Variants in MSRA observed in about 807,000 individuals in gnomAD.
MSRA encodes the protein mitochondrial peptide methionine sulfoxide reductase.
A neutral mutation model predicts 31.3 loss-of-function variants in MSRA; 54 were observed. That is an observed-to-expected ratio of 1.73 (90% confidence interval 1.39 to 2.17). MSRA has a LOEUF of 2.17. Among genes scored for constraint, MSRA ranks in the 30% most tolerant of loss-of-function variants. MSRA has a pLI of 0.00. For synonymous variants in MSRA, 169 were observed against 116.5 expected (o/e 1.45, Z -2.90); for missense variants, 507 against 300.9 (o/e 1.69, Z -5.07).
intron 5 of MSRA, among the ~76,000 whole-genome samples, chr8:10,344,894 T>G (rs1020330639): frequency 6.6e-6 from 1 of 152,188 alleles, no homozygotes; most frequent in South Asian, 2.1e-4. Flanking sequence ...ATCATGGTGG[T>G]TTAAGACAAA....
chr8:10,417,972 G>C lies in MSRA; in HGVS notation c.544-10176G>C, dbSNP rs975070116. On this transcript the variant is annotated intron_variant, in intron 5 of 5. Coordinates refer to ENST00000317173, the MANE Select transcript of MSRA (RefSeq NM_012331.5). The stretch of plus-strand genomic sequence containing the variant: ...ATCCACATGCCCGCGTCCTGCCTGC[G>C]AGTTTTCCCCTAAAGCAGCTGTGCT... Among the ~76,000 whole-genome samples the C allele has an allele frequency of 8.5e-5, 13 of 152,164 alleles. No individual in the cohort carries two copies. In the East Asian group the frequency reaches 2.5e-3, roughly 29 times the overall value.
intron 5 of MSRA, among the ~76,000 whole-genome samples, chr8:10,346,418 G>A (rs1245384395): frequency 6.6e-6 from 1 of 152,136 alleles, no homozygotes; most frequent in African/African-American, 2.4e-5. Context: ...TCTAGGGACT[G>A]TGCATCCCAT....
At chr8:10,076,011 G>A (rs763517414) in intron 1 of MSRA, among the ~76,000 whole-genome samples, 5 of 152,222 alleles carry the variant, frequency 3.3e-5, no homozygotes, top group African/African-American at 4.8e-5. Flanking sequence ...GTGTTCTCTA[G>A]TGAAGGGCAT....
At chr8:10,246,066 G>C (rs1797607504) in intron 3 of MSRA, among the ~76,000 whole-genome samples, 1 of 151,338 alleles carries the variant, frequency 6.6e-6, no homozygotes, top group African/African-American at 2.5e-5. Flanking sequence ...CTATTGACTT[G>C]ACTTATAGGC....
chr8:10,146,046 A>T (rs918046690), intron 1 of MSRA, among the ~76,000 whole-genome samples: 1 of 152,234 alleles, frequency 6.6e-6, no homozygotes, highest in Non-Finnish European at 1.5e-5. Context: ...TACCTACTAC[A>T]TGCAAACAGT....
At chr8:10,089,578 T>C (rs1402991414) in intron 1 of MSRA, among the ~76,000 whole-genome samples, 1 of 152,184 alleles carries the variant, frequency 6.6e-6, no homozygotes, top group East Asian at 1.9e-4. Flanking sequence ...GTGTTTGTCT[T>C]AGGTCATTTT....
At chr8:10,423,920 T>C (rs1808967404) in intron 5 of MSRA, among the ~76,000 whole-genome samples, 1 of 152,188 alleles carries the variant, frequency 6.6e-6, no homozygotes, top group Non-Finnish European at 1.5e-5. Flanking sequence ...CATTCATTCA[T>C]TCATTCATTC....
At chr8:10,152,190 A>C (rs1803739409) in intron 1 of MSRA, among the ~76,000 whole-genome samples, 1 of 152,250 alleles carries the variant, frequency 6.6e-6, no homozygotes, top group Non-Finnish European at 1.5e-5. Flanking sequence ...TGAAAAGTAT[A>C]GACAGAGAAC....
chr8:10,192,740 C>T (rs971244942), intron 1 of MSRA, among the ~76,000 whole-genome samples: 1 of 152,164 alleles, frequency 6.6e-6, no homozygotes, highest in Non-Finnish European at 1.5e-5. Flanking sequence ...AATTAGAATG[C>T]TTTTCTCACT....
At chr8:10,418,838 A>AC (rs1808637938) in intron 5 of MSRA, among the ~76,000 whole-genome samples, 9 of 69,470 alleles carry the variant, frequency 1.3e-4, no homozygotes, top group African/African-American at 4.0e-4. Context: ...AAAAAAAAAA[A>AC]CCAACAAAAA....
chr8:10,304,631 C>G (rs746783165), intron 4 of MSRA, among the ~76,000 whole-genome samples: 4 of 152,156 alleles, frequency 2.6e-5, no homozygotes, highest in Non-Finnish European at 5.9e-5. Flanking sequence ...GAGAGCCAGG[C>G]TACAAATGAA....
intron 5 of MSRA, among the ~76,000 whole-genome samples, chr8:10,402,504 C>A (rs568695270): frequency 3.7e-4 from 57 of 152,344 alleles, no homozygotes; most frequent in African/African-American, 1.3e-3. Flanking sequence ...ATGATCATTC[C>A]AATGACGCAA....
At chr8:10,206,755 A>G (rs1401157058) in intron 1 of MSRA, among the ~76,000 whole-genome samples, 1 of 152,158 alleles carries the variant, frequency 6.6e-6, no homozygotes, top group Non-Finnish European at 1.5e-5. Flanking sequence ...TCCTGCTACA[A>G]TTACCTGCAC....
intron 1 of MSRA, among the ~76,000 whole-genome samples, chr8:10,170,937 T>C (rs533810339): frequency 6.6e-6 from 1 of 152,366 alleles, no homozygotes; most frequent in South Asian, 2.1e-4. Context: ...CTTATTGTGC[T>C]AGCTAGGCTC....
chr8:10,331,864 T>C (rs1003938225), intron 5 of MSRA, among the ~76,000 whole-genome samples: 1 of 152,210 alleles, frequency 6.6e-6, no homozygotes, highest in Non-Finnish European at 1.5e-5. Flanking sequence ...TCTTAAAATT[T>C]GTATTGTTGT....
intron 3 of MSRA, among the ~76,000 whole-genome samples, chr8:10,266,735 A>G (rs1305386736): frequency 6.6e-6 from 1 of 152,052 alleles, no homozygotes; most frequent in African/African-American, 2.4e-5. Flanking sequence ...ATCCATTTTG[A>G]TTAATTTTTA....
intron 5 of MSRA, chr8:10,337,438 C>T: frequency 5.5e-6 from 2 of 366,554 alleles, no homozygotes; most frequent in Non-Finnish European, 4.9e-6. Flanking sequence ...CTCGGCCTCC[C>T]AAAGTGCTGG....
intron 5 of MSRA, among the ~76,000 whole-genome samples, chr8:10,324,296 A>G (rs1037690462): frequency 1.3e-5 from 2 of 152,226 alleles, no homozygotes; most frequent in Non-Finnish European, 2.9e-5. Context: ...TTTAGAGAGC[A>G]TAGCAGTTCA....
At chr8:10,173,519 T>G (rs1805780916) in intron 1 of MSRA, among the ~76,000 whole-genome samples, 1 of 152,228 alleles carries the variant, frequency 6.6e-6, no homozygotes, top group Admixed American at 6.5e-5. Flanking sequence ...GGAATCGGCC[T>G]CCTCTGGCTG....
Sources: gnomAD v4.1 joint callset for allele counts (sites outside exome capture counted in the v4.1 genomes callset) on GRCh38, gnomAD v4.1.1 for gene constraint, MANE v1.5 for transcripts, NCBI Gene and HGNC (gene_info 2026-07-23, HGNC 2026-07-21) for gene names.